FTCDNL1: variants seen among roughly 807,000 people sequenced by gnomAD.
The protein encoded by FTCDNL1 is formiminotransferase cyclodeaminase N-terminal like.
FTCDNL1 carries 11 observed loss-of-function variants against 5.9 expected under a neutral mutation model. That is an observed-to-expected ratio of 1.87 (90% confidence interval 1.18 to 3.10). FTCDNL1 has a LOEUF of 3.10. FTCDNL1 is among the 30% of genes most tolerant of loss of function. The probability of loss-of-function intolerance (pLI) is 0.00; values close to 1 mark genes in which losing one functional copy is unlikely to be tolerated. For missense variants in FTCDNL1, 115 were observed against 65.5 expected (o/e 1.76, Z -2.61); for synonymous variants, 58 against 24.8 (o/e 2.34, Z -3.99).
chr2:199,679,391 CTCT>C, the FTCDNL1 span, among the ~76,000 whole-genome samples: 3 of 151,856 alleles, frequency 2.0e-5, no homozygotes, highest in Non-Finnish European at 2.9e-5. Context: ...TCTGTCTGCC[CTCT>C]TATTTATCTT....
At chr2:199,689,419 C>T in the FTCDNL1 span, among the ~76,000 whole-genome samples, 2 of 152,174 alleles carry the variant, frequency 1.3e-5, no homozygotes, top group African/African-American at 2.4e-5. Context: ...TGCTCTTTCT[C>T]TCTTAGGTAT....
chr2:199,751,744 G>A, the FTCDNL1 span, among the ~76,000 whole-genome samples: 1 of 144,536 alleles, frequency 6.9e-6, no homozygotes, highest in Non-Finnish European at 1.5e-5. Flanking sequence ...AGTGTTCCGC[G>A]AGGTAACAGG....
chr2:199,845,647 A>G (rs1364478309), intron 3 of FTCDNL1, among the ~76,000 whole-genome samples: 3 of 152,116 alleles, frequency 2.0e-5, no homozygotes, highest in Non-Finnish European at 2.9e-5. Context: ...CAATGTCCCT[A>G]TAAGACATGT....
chr2:199,743,819 G>T, the FTCDNL1 span, among the ~76,000 whole-genome samples: 5 of 152,060 alleles, frequency 3.3e-5, no homozygotes, highest in African/African-American at 4.8e-5. Context: ...TTTCCCCCAG[G>T]AATTCCAACA....
intron 3 of FTCDNL1, among the ~76,000 whole-genome samples, chr2:199,788,681 T>C (rs1699776654): frequency 6.6e-6 from 1 of 151,710 alleles, no homozygotes; most frequent in Non-Finnish European, 1.5e-5. Context: ...GAATTAATAA[T>C]AATAAAAGGT....
chr2:199,754,870 A>G, the FTCDNL1 span, among the ~76,000 whole-genome samples: 3 of 152,216 alleles, frequency 2.0e-5, no homozygotes. Context: ...TAAACTATAT[A>G]TATGTTTCTA....
the FTCDNL1 span, among the ~76,000 whole-genome samples, chr2:199,708,101 GT>G: frequency 1.8e-4 from 17 of 96,934 alleles, no homozygotes; most frequent in South Asian, 1.8e-3. Flanking sequence ...GAGATTCTGA[GT>G]TTTTTTTCTG....
chr2:199,821,514 C>T (rs985326003), intron 3 of FTCDNL1, among the ~76,000 whole-genome samples: 22 of 150,754 alleles, frequency 1.5e-4, no homozygotes, highest in African/African-American at 3.4e-4. Flanking sequence ...GCCCAGGCTG[C>T]AGTGCAGTGG....
chr2:199,836,739 T>C (rs1702771207), intron 3 of FTCDNL1, among the ~76,000 whole-genome samples: 1 of 152,066 alleles, frequency 6.6e-6, no homozygotes, highest in Admixed American at 6.6e-5. Context: ...GCACTCAGCC[T>C]GGGTGACAAA....
At chr2:199,749,043 C>G in the FTCDNL1 span, among the ~76,000 whole-genome samples, 2 of 152,184 alleles carry the variant, frequency 1.3e-5, no homozygotes, top group African/African-American at 4.8e-5. Flanking sequence ...CCAGACTCAC[C>G]TGTTCTATAT....
chr2:199,732,982 G>A, the FTCDNL1 span, among the ~76,000 whole-genome samples: 2 of 152,188 alleles, frequency 1.3e-5, no homozygotes, highest in Non-Finnish European at 2.9e-5. Flanking sequence ...GGGTGGAGAA[G>A]AAGACAGGGA....
At chr2:199,763,690 G>A (rs1698377805) in intron 3 of FTCDNL1, among the ~76,000 whole-genome samples, 1 of 152,084 alleles carries the variant, frequency 6.6e-6, no homozygotes, top group Admixed American at 6.5e-5. Flanking sequence ...ATGCCAAGAA[G>A]AAAAATCTCA....
chr2:199,717,216 A>G, the FTCDNL1 span, among the ~76,000 whole-genome samples: 1 of 152,200 alleles, frequency 6.6e-6, no homozygotes, highest in Non-Finnish European at 1.5e-5. Context: ...ATTAGAAGCT[A>G]CAGAAGATAT....
the FTCDNL1 span, among the ~76,000 whole-genome samples, chr2:199,716,489 T>C: frequency 6.6e-6 from 1 of 152,206 alleles, no homozygotes; most frequent in African/African-American, 2.4e-5. Context: ...AATTATATTG[T>C]CTACACATGA....
At chr2:199,751,217 G>C in the FTCDNL1 span, among the ~76,000 whole-genome samples, 1 of 152,190 alleles carries the variant, frequency 6.6e-6, no homozygotes, top group Non-Finnish European at 1.5e-5. Context: ...AATGATATTA[G>C]GCTAATGCTG....
the FTCDNL1 span, among the ~76,000 whole-genome samples, chr2:199,741,242 C>A: frequency 1.3e-5 from 2 of 152,224 alleles, 1 homozygote. Context: ...CTCCACTGCA[C>A]GCTAGCCCGG....
At chr2:199,846,982 A>C (rs2076749153) in intron 2 of FTCDNL1, among the ~76,000 whole-genome samples, 1 of 152,190 alleles carries the variant, frequency 6.6e-6, no homozygotes, top group South Asian at 2.1e-4. Flanking sequence ...CAGCTTAACA[A>C]TTAATCTTTT....
At chr2:199,675,682 G>A in the FTCDNL1 span, among the ~76,000 whole-genome samples, 2 of 152,032 alleles carry the variant, frequency 1.3e-5, no homozygotes, top group Admixed American at 6.6e-5. Flanking sequence ...TCTTCCTCAC[G>A]GTTCAAGATA....
At position 199,819,324 on chromosome 2, in the gene FTCDNL1, AG is replaced by A; in HGVS notation, c.397+247del. On this transcript the variant is annotated intron_variant, in intron 4 of 4. Transcript: ENST00000420128. ...TTCTTTTCATCAGTGATCACGTTGCAGGGCTAATGATATATCTTGAATATCA... is the reference window on the plus strand; with the variant it reads ...TTCTTTTCATCAGTGATCACGTTGCAGGCTAATGATATATCTTGAATATCA... 2 of 481,380 alleles carry A rather than the reference AG, an allele frequency of 4.2e-6. 1 individual carries two copies. The highest frequency in any genetic ancestry group is 5.2e-5 in the South Asian group (2 of 38,194). The allele number at this position is 481,380 out of a possible 1,614,324, so 29.8% of individuals were successfully genotyped here.
Sources: allele counts gnomAD v4.1 joint callset (sites outside exome capture counted in the v4.1 genomes callset), GRCh38; gene constraint gnomAD v4.1.1; transcripts MANE v1.5; gene names NCBI Gene and HGNC (gene_info 2026-07-23, HGNC 2026-07-21).